Variants in MCPH1 observed in about 807,000 individuals in gnomAD.
The protein encoded by MCPH1 is microcephalin 1.
A neutral mutation model predicts 84.5 loss-of-function variants in MCPH1; 104 were observed. The observed-to-expected ratio is 1.23, with a 90% CI of 1.05 to 1.45. The LOEUF (loss-of-function observed/expected upper bound fraction) is 1.45. MCPH1 is among the 40% of genes most tolerant of loss of function. The pLI, the probability that MCPH1 is intolerant of heterozygous loss-of-function variation, is 0.00. For synonymous variants in MCPH1, 514 were observed against 366.8 expected (o/e 1.40, Z -4.58); for missense variants, 1,498 against 1,005.7 (o/e 1.49, Z -6.62).
At chr8:6,537,407 C>T (rs899394297) in intron 12 of MCPH1, among the ~76,000 whole-genome samples, 5 of 151,976 alleles carry the variant, frequency 3.3e-5, no homozygotes, top group Admixed American at 1.3e-4. Flanking sequence ...ACATTGAGGG[C>T]CACAGTGATC....
rs200823026 is a variant in MCPH1 at position 6,445,311 on chromosome 8, A to C, written c.1589A>C (p.Glu530Ala). Residue 530 changes from glutamate (E) to alanine (A), a missense_variant, in exon 8 of 14, where the codon GAG (glutamate) becomes GCG (alanine). Transcript: ENST00000344683. ...PEGNGFSYTI[E>A]DPALPKGHDD... is the part of the protein sequence containing the mutation. ...GGAAATGGCTTTTCTTACACCATTGAGGACCCTGCTCTTCCAAAAGGACAT... is the reference window on the plus strand; with the variant it reads ...GGAAATGGCTTTTCTTACACCATTGCGGACCCTGCTCTTCCAAAAGGACAT... 1.9e-5 allele frequency: 31 copies of C among 1,614,146 alleles called. No homozygotes were observed. The highest frequency in any genetic ancestry group is 2.5e-5 in the Non-Finnish European group (30 of 1,180,056).
chr8:6,538,089 C>G (rs1250023534), intron 12 of MCPH1, among the ~76,000 whole-genome samples: 1 of 152,138 alleles, frequency 6.6e-6, no homozygotes, highest in Non-Finnish European at 1.5e-5. Context: ...TTGCAACCAT[C>G]TCTCACACAC....
Position 6,647,011 on chromosome 8 carries a change from A to G in MCPH1, c.*3962A>G, listed in dbSNP as rs1475068196. The G allele has an allele frequency of 6.6e-6, 1 of 152,194 alleles. No individual in the cohort carries two copies. Among genetic ancestry groups the G allele is most frequent in the African/African-American group, 2.4e-5 (1 of 41,446 alleles). 9.4% of individuals were successfully genotyped at this position (152,194 alleles called of 1,614,324 possible). A position where few individuals can be genotyped will look rare whatever the true frequency, so the allele number is the denominator to read the frequency against. ...GAAGAAACCATTAAAAAAAAATGAA[A>G]AGACAAGCCACAGACTATGAAAAAA... On this transcript the variant is annotated 3_prime_UTR_variant, in exon 14 of 14. Coordinates refer to ENST00000344683, the MANE Select transcript of MCPH1 (RefSeq NM_024596.5).
chr8:6,505,292 T>TA (rs1386240060), intron 12 of MCPH1, among the ~76,000 whole-genome samples: 6,088 of 69,952 alleles, frequency 0.087, 877 homozygotes, highest in African/African-American at 0.16. Context: ...ATATGTTATA[T>TA]ACATATATAT....
chr8:6,646,506 C>T lies in MCPH1; in HGVS notation c.*3457C>T, dbSNP rs1053621407. ...AAGGTGACGAGGCAAGTCAGTATAGCAGCATATTCTTTTCAACAAATGGTG... is the reference window on the plus strand; with the variant it reads ...AAGGTGACGAGGCAAGTCAGTATAGTAGCATATTCTTTTCAACAAATGGTG... On this transcript the variant is annotated 3_prime_UTR_variant, in exon 14 of 14. Transcript: ENST00000344683. The T allele has an allele frequency of 2.0e-5, 3 of 152,292 alleles. No homozygotes were observed. The highest frequency in any genetic ancestry group is 2.1e-4 in the South Asian group (1 of 4,820). 9.4% of individuals were successfully genotyped at this position (152,292 alleles called of 1,614,324 possible).
At chr8:6,452,522 T>C (rs1205560053) in intron 8 of MCPH1, among the ~76,000 whole-genome samples, 1 of 152,248 alleles carries the variant, frequency 6.6e-6, no homozygotes, top group East Asian at 1.9e-4. Flanking sequence ...GGAAATGCTG[T>C]GGACCAAATT....
At chr8:6,560,954 G>C (rs1358967089) in intron 12 of MCPH1, among the ~76,000 whole-genome samples, 1 of 152,230 alleles carries the variant, frequency 6.6e-6, no homozygotes, top group Non-Finnish European at 1.5e-5. Flanking sequence ...CTGTCGGGCA[G>C]ATTAGAATAT....
At chr8:6,407,812 A>G (rs1797960185) in intron 1 of MCPH1, among the ~76,000 whole-genome samples, 1 of 152,220 alleles carries the variant, frequency 6.6e-6, no homozygotes, top group South Asian at 2.1e-4. Context: ...CCCCCAGGCC[A>G]TATCTAGCCT....
At chr8:6,634,515 A>G (rs1384432243) in intron 13 of MCPH1, among the ~76,000 whole-genome samples, 1 of 152,226 alleles carries the variant, frequency 6.6e-6, no homozygotes, top group African/African-American at 2.4e-5. Flanking sequence ...GTGCAAATGC[A>G]GCAGGCACGC....
intron 9 of MCPH1, among the ~76,000 whole-genome samples, chr8:6,466,834 C>G (rs1563248908): frequency 6.6e-6 from 1 of 152,102 alleles, no homozygotes; most frequent in South Asian, 2.1e-4. Flanking sequence ...CCTTGGCCTT[C>G]CAAAGTGCTG....
At chr8:6,562,949 T>C in intron 12 of MCPH1, 2 of 1,568,622 alleles carry the variant, frequency 1.3e-6, no homozygotes, top group Non-Finnish European at 8.7e-7. Flanking sequence ...TCTTCAGTAA[T>C]AAACCAGCAG....
chr8:6,635,089 T>A (rs1299281242), intron 13 of MCPH1: 1 of 152,164 alleles, frequency 6.6e-6, no homozygotes, highest in Non-Finnish European at 1.5e-5. Context: ...GAATTCAGCT[T>A]GTCAAGTGAG....
chr8:6,500,108 C>T (rs1471414208), intron 12 of MCPH1, 179 bp downstream of exon 12: 4 of 622,306 alleles, frequency 6.4e-6, no homozygotes, highest in South Asian at 3.7e-5. Flanking sequence ...AATGTGAGAA[C>T]GTGAGACCAT....
At chr8:6,492,259 G>T (rs542090116) in intron 11 of MCPH1, among the ~76,000 whole-genome samples, 3 of 152,168 alleles carry the variant, frequency 2.0e-5, no homozygotes, top group African/African-American at 4.8e-5. Flanking sequence ...GTGTCTGTTG[G>T]CTGCATAAAT....
intron 13 of MCPH1, among the ~76,000 whole-genome samples, chr8:6,635,600 C>A (rs369642685): frequency 6.6e-5 from 10 of 152,106 alleles, no homozygotes; most frequent in East Asian, 3.9e-4. Context: ...CTCAAAAAAA[C>A]CCAAAAAACT....
chr8:6,610,214 G>T (rs1451102848), intron 12 of MCPH1, among the ~76,000 whole-genome samples: 1 of 152,172 alleles, frequency 6.6e-6, no homozygotes, highest in East Asian at 1.9e-4. Context: ...GTGGGGCTGG[G>T]TTGCCACTGA....
At chr8:6,504,984 A>G (rs1812994062) in intron 12 of MCPH1, among the ~76,000 whole-genome samples, 1 of 151,840 alleles carries the variant, frequency 6.6e-6, no homozygotes, top group Admixed American at 6.6e-5. Context: ...AGGAACACAT[A>G]CAGTATGATA....
At chr8:6,472,085 AT>A (rs1563255137) in intron 9 of MCPH1, among the ~76,000 whole-genome samples, 1 of 152,234 alleles carries the variant, frequency 6.6e-6, no homozygotes, top group Non-Finnish European at 1.5e-5. Flanking sequence ...AATTAACCTT[AT>A]TTTAAAAGAA....
intron 2 of MCPH1, among the ~76,000 whole-genome samples, chr8:6,412,816 G>A (rs1037492104): frequency 6.6e-6 from 1 of 152,120 alleles, no homozygotes; most frequent in Non-Finnish European, 1.5e-5. Context: ...TGGGGGTGTG[G>A]AAATTGAGAG....
Sources: allele counts gnomAD v4.1 joint callset (sites outside exome capture counted in the v4.1 genomes callset), GRCh38; gene constraint gnomAD v4.1.1; transcripts MANE v1.5; gene names NCBI Gene and HGNC (gene_info 2026-07-23, HGNC 2026-07-21).